Variants in GPR141 observed in about 807,000 individuals in gnomAD.
The protein encoded by GPR141 is probable G protein-coupled receptor 141.
A neutral mutation model predicts 6.8 loss-of-function variants in GPR141; 6 were observed. The observed-to-expected ratio is 0.88, with a 90% CI of 0.48 to 1.74. The LOEUF (loss-of-function observed/expected upper bound fraction) is 1.74. Ranked by LOEUF, GPR141 falls within the 40% of genes most tolerant of loss-of-function variation. The pLI, the probability that GPR141 is intolerant of heterozygous loss-of-function variation, is 0.01. For missense variants in GPR141, 372 were observed against 372.9 expected (o/e 1.00, Z 0.02); for synonymous variants, 140 against 142.3 (o/e 0.98, Z 0.11).
intron 2 of GPR141, among the ~76,000 whole-genome samples, chr7:37,736,206 C>T (rs997581024): frequency 1.3e-5 from 2 of 151,402 alleles, no homozygotes; most frequent in Non-Finnish European, 2.9e-5. Context: ...GAGCCAAGAT[C>T]GTGCCATTGC....
chr7:37,691,657 G>A (rs562632758), intron 2 of GPR141, among the ~76,000 whole-genome samples: 12 of 152,196 alleles, frequency 7.9e-5, no homozygotes, highest in East Asian at 5.8e-4. Flanking sequence ...GATGATTGTC[G>A]TTTTGCTTTA....
intron 2 of GPR141, among the ~76,000 whole-genome samples, chr7:37,724,779 T>C (rs1811543389): frequency 6.6e-6 from 1 of 152,224 alleles, no homozygotes; most frequent in South Asian, 2.1e-4. Flanking sequence ...CTCTTCTAGC[T>C]GGGGCTGGAC....
At chr7:37,722,119 C>T (rs1811355517) in intron 2 of GPR141, among the ~76,000 whole-genome samples, 1 of 152,152 alleles carries the variant, frequency 6.6e-6, no homozygotes, top group Admixed American at 6.5e-5. Context: ...CATATGACCA[C>T]TTTTTTATTG....
In GPR141 at chr7:37,686,468, G is replaced by A. The variant is rs189955654; in HGVS notation, c.-15+885G>A. 2.9e-3 allele frequency among the ~76,000 whole-genome samples: 440 copies of A among 152,034 alleles called. 3 individuals are homozygous for A. The highest frequency in any genetic ancestry group is 4.3e-3 in the Non-Finnish European group (294 of 67,996). On this transcript the variant is annotated intron_variant, in intron 2 of 2. Transcript: ENST00000334425. ...ATTTTGAATGACAATGTTATTATTC[G>A]TGACAGTCATAATCAAACTTAATCT...
rs1050693725 is a variant in GPR141, at chr7:37,743,342, A to C, written c.*2031A>C. Among the ~76,000 whole-genome samples the C allele has an allele frequency of 6.6e-6, 1 of 152,190 alleles. No individual in the cohort carries two copies. Among genetic ancestry groups the C allele is most frequent in the African/African-American group, 2.4e-5 (1 of 41,474 alleles). On this transcript the variant is annotated 3_prime_UTR_variant, in exon 3 of 3. Transcript: ENST00000334425. Reference sequence around the variant, plus strand: ...ATTCTGAGGAAGCAGAAGTAGCAACATAGTTCAAACATGACTTGTTTCCAT... The same window carrying C: ...ATTCTGAGGAAGCAGAAGTAGCAACCTAGTTCAAACATGACTTGTTTCCAT...
intron 2 of GPR141, among the ~76,000 whole-genome samples, chr7:37,725,453 TAGTCCTCTA>T (rs1367076277): frequency 6.6e-6 from 1 of 152,200 alleles, no homozygotes; most frequent in East Asian, 1.9e-4. Flanking sequence ...GGCATCCTCC[TAGTCCTCTA>T]ACCAGGGAGT....
intron 2 of GPR141, among the ~76,000 whole-genome samples, chr7:37,723,367 A>G (rs1157375450): frequency 2.0e-5 from 3 of 152,006 alleles, no homozygotes; most frequent in African/African-American, 7.3e-5. Context: ...AAAAAATACC[A>G]GAAACACTGA....
chr7:37,705,995 G>A (rs1382609652), intron 2 of GPR141, among the ~76,000 whole-genome samples: 1 of 152,136 alleles, frequency 6.6e-6, no homozygotes, highest in Non-Finnish European at 1.5e-5. Flanking sequence ...CCAGAAATCA[G>A]GAAATGCGAG....
At chr7:37,696,976 CATAG>C (rs1303399145) in intron 2 of GPR141, among the ~76,000 whole-genome samples, 3 of 151,800 alleles carry the variant, frequency 2.0e-5, no homozygotes, top group Middle Eastern at 3.4e-3. Flanking sequence ...TTTATAATAC[CATAG>C]ATAGATAGAG....
intron 2 of GPR141, among the ~76,000 whole-genome samples, chr7:37,738,630 T>G (rs1185050927): frequency 6.6e-6 from 1 of 152,150 alleles, no homozygotes; most frequent in Non-Finnish European, 1.5e-5. Flanking sequence ...CAAAAGGCTT[T>G]GTGAGGTTGG....
chr7:37,690,884 A>G (rs1479693692), intron 2 of GPR141, among the ~76,000 whole-genome samples: 2 of 152,150 alleles, frequency 1.3e-5, no homozygotes, highest in East Asian at 1.9e-4. Flanking sequence ...TTCGCTCTAT[A>G]TCATTTGGCC....
chr7:37,696,871 C>A (rs1440216439), intron 2 of GPR141, among the ~76,000 whole-genome samples: 3 of 152,046 alleles, frequency 2.0e-5, no homozygotes, highest in African/African-American at 7.2e-5. Context: ...ATTTCAGATG[C>A]AGTAAATTTG....
At chr7:37,726,329 G>T (rs1811623365) in intron 2 of GPR141, among the ~76,000 whole-genome samples, 1 of 152,158 alleles carries the variant, frequency 6.6e-6, no homozygotes, top group South Asian at 2.1e-4. Flanking sequence ...GATTACTCTG[G>T]TTGCTGAGTT....
intron 2 of GPR141, among the ~76,000 whole-genome samples, chr7:37,721,839 G>T (rs1811341178): frequency 6.6e-6 from 1 of 152,138 alleles, no homozygotes; most frequent in Non-Finnish European, 1.5e-5. Flanking sequence ...TCTGTCTCAG[G>T]GGGCAATGGG....
intron 2 of GPR141, among the ~76,000 whole-genome samples, chr7:37,734,449 C>T (rs1255842058): frequency 6.6e-6 from 1 of 152,144 alleles, no homozygotes; most frequent in African/African-American, 2.4e-5. Flanking sequence ...AGACTATCTT[C>T]TATGTGTTGG....
intron 2 of GPR141, among the ~76,000 whole-genome samples, chr7:37,732,320 T>C (rs1288004940): frequency 1.3e-5 from 2 of 150,954 alleles, no homozygotes; most frequent in Non-Finnish European, 2.9e-5. Context: ...AACAACCTAT[T>C]ACCTAGGCTA....
chr7:37,702,856 G>A (rs565669286), intron 2 of GPR141, among the ~76,000 whole-genome samples: 9 of 145,230 alleles, frequency 6.2e-5, no homozygotes, highest in Non-Finnish European at 1.2e-4. Flanking sequence ...TCCCCCCAAA[G>A]TCATATAATA....
chr7:37,732,843 A>G (rs1053338179), intron 2 of GPR141, among the ~76,000 whole-genome samples: 1 of 152,212 alleles, frequency 6.6e-6, no homozygotes, highest in Non-Finnish European at 1.5e-5. Context: ...ACGCAGATAA[A>G]ACTTAGTTCT....
chr7:37,689,104 T>C (rs987769219), intron 2 of GPR141, among the ~76,000 whole-genome samples: 20 of 152,172 alleles, frequency 1.3e-4, no homozygotes, highest in African/African-American at 4.3e-4. Flanking sequence ...TATGAAGCTA[T>C]GATGAAATTT....
Sources: allele counts gnomAD v4.1 joint callset (sites outside exome capture counted in the v4.1 genomes callset), GRCh38; gene constraint gnomAD v4.1.1; transcripts MANE v1.5; gene names NCBI Gene and HGNC (gene_info 2026-07-23, HGNC 2026-07-21).